LPIN3: variants seen among roughly 807,000 people sequenced by gnomAD.
The protein encoded by LPIN3 is phosphatidate phosphatase LPIN3.
LPIN3 carries 82 observed loss-of-function variants against 94.7 expected under a neutral mutation model. The observed-to-expected ratio is 0.87, with a 90% CI of 0.72 to 1.04. The LOEUF (loss-of-function observed/expected upper bound fraction) is 1.04. LPIN3 is among the 50% of genes least tolerant of loss of function. LPIN3 has a pLI of 0.00. For synonymous variants in LPIN3, 418 were observed against 443.3 expected, an observed-to-expected ratio of 0.94 and a Z score of 0.72; for missense variants, 996 against 1,090.5, an observed-to-expected ratio of 0.91 and a Z score of 1.22.
rs541056006 is a variant in LPIN3 at position 41,348,788 on chromosome 20, AAG to A, written c.461_462del (p.Glu154GlyfsTer6). The A allele has an allele frequency of 6.7e-5, 108 of 1,612,610 alleles. No homozygotes were observed. In the African/African-American group the frequency reaches 1.3e-3, roughly 19 times the overall value. ...CGTCGCAGGAGGAAACCCAAGCAGA[AAG>A]AGGATGCAGTGGCAACTGATTCTAG... On this transcript the variant is annotated frameshift_variant, in exon 4 of 20. Transcript: ENST00000373257. LOFTEE classifies it high-confidence loss of function.
intron 3 of LPIN3, 87 bp from the exon 4 acceptor site, chr20:41,348,532 G>A: frequency 1.3e-5 from 20 of 1,515,074 alleles, no homozygotes; most frequent in Non-Finnish European, 1.7e-5. Flanking sequence ...CCAGGGCTGG[G>A]ACCCAGGCAA....
At chr20:41,352,480 G>T in intron 9 of LPIN3, 126 bp from the exon 10 acceptor site, 1 of 874,390 alleles carries the variant, frequency 1.1e-6, no homozygotes. Context: ...AGGTAGGGAG[G>T]AGCACTGCCA....
chr20:41,341,709 G>A (rs1276146605), intron 1 of LPIN3, among the ~76,000 whole-genome samples: 1 of 152,230 alleles, frequency 6.6e-6, no homozygotes, highest in African/African-American at 2.4e-5. Flanking sequence ...TCCGCTGGGC[G>A]CGGTGGCTCA....
At position 41,350,412 on chromosome 20, in the gene LPIN3, G is replaced by T. The variant is rs1468460137; in HGVS notation, c.1102+15G>T. 2 of 1,538,288 alleles carry T rather than the reference G, an allele frequency of 1.3e-6. No homozygotes were observed. The highest frequency in any genetic ancestry group is 1.8e-6 in the Non-Finnish European group (2 of 1,138,966). ...CAGGGGGAAAGGTGAGTGACGCTGGGTCTCTCCCACTGCCTCCCTGGCCTC... is the reference window on the plus strand; with the variant it reads ...CAGGGGGAAAGGTGAGTGACGCTGGTTCTCTCCCACTGCCTCCCTGGCCTC... On this transcript the variant is annotated intron_variant, in intron 7 of 19. Transcript: ENST00000373257.
chr20:41,354,730 C>A lies in LPIN3; in HGVS notation c.1613C>A (p.Ala538Asp). 6.2e-7 allele frequency: 1 copy of A among 1,607,294 alleles called. No homozygotes were observed. The highest frequency in any genetic ancestry group is 8.5e-7 in the Non-Finnish European group (1 of 1,176,040). ...WFSWRRRDFL[A>D]EERSAQKEKT... ...TCCTGGCGACGCAGGGACTTCCTGG[C>A]CGAGGAGGTGGGTGGTCACAGTCGA... Residue 538 changes from alanine (A) to aspartate (D), a missense_variant, in exon 12 of 20, where the codon GCC (alanine) becomes GAC (aspartate). Transcript: ENST00000373257.
intron 7 of LPIN3, among the ~76,000 whole-genome samples, chr20:41,350,981 C>T (rs192181808): frequency 6.6e-6 from 1 of 151,976 alleles, no homozygotes; most frequent in East Asian, 1.9e-4. Flanking sequence ...CATGGTGGCT[C>T]ATGCCTGTAA....
chr20:41,349,851 G>C lies in LPIN3; in HGVS notation c.716G>C (p.Arg239Thr). Residue 239 changes from arginine (R) to threonine (T), a missense_variant, in exon 6 of 20, where the codon AGA (arginine) becomes ACA (threonine). Transcript: ENST00000373257. The stretch of plus-strand genomic sequence containing the variant: ...CGGACCCCGGAGCCCAGTCCCCTAA[G>C]AGCCGAGTCCCACATGCAGTGGGCC... ...EVRTPEPSPL[R>T]AESHMQWAWG... The C allele has an allele frequency of 6.2e-7, 1 of 1,613,598 alleles. No individual in the cohort carries two copies. The highest frequency in any genetic ancestry group is 8.5e-7 in the Non-Finnish European group (1 of 1,180,014).
chr20:41,348,478 C>A, intron 3 of LPIN3, 141 bp from the exon 4 acceptor site: 5 of 1,320,450 alleles, frequency 3.8e-6, no homozygotes, highest in Non-Finnish European at 5.0e-6. Context: ...CAGGGCCAGG[C>A]TGGTGCCTCC....
chr20:41,346,410 G>A (rs966323357), intron 2 of LPIN3, among the ~76,000 whole-genome samples: 1 of 152,226 alleles, frequency 6.6e-6, no homozygotes, highest in Non-Finnish European at 1.5e-5. Flanking sequence ...GGCCAGCTAT[G>A]TGGGAAACAC....
intron 3 of LPIN3, 139 bp downstream of exon 3, chr20:41,347,786 G>A: frequency 1.4e-6 from 1 of 707,594 alleles, no homozygotes. Flanking sequence ...AGGGGTATCA[G>A]TTGGGGCTGG....
Position 41,358,351 on chromosome 20 carries a change from T to A in LPIN3, c.2307T>A (p.Asn769Lys). The A allele has an allele frequency of 6.2e-7, 1 of 1,614,016 alleles. No individual in the cohort carries two copies. The highest frequency in any genetic ancestry group is 8.5e-7 in the Non-Finnish European group (1 of 1,179,900). ...PFYAAFGNRP[N>K]DVFAYRQVGL... is the part of the protein sequence containing the mutation. The stretch of plus-strand genomic sequence containing the variant: ...ATGCTGCCTTTGGGAATAGGCCCAA[T>A]GTGAGTGTGTCCCCTCCACTCTGCT... The change falls in exon 18 of 20, where the codon AAT becomes AAA. Residue 769 changes from asparagine (N) to lysine (K), a missense_variant and splice_region_variant. Transcript: ENST00000373257.
At position 41,352,882 on chromosome 20, in the gene LPIN3, A is replaced by G. The variant is rs768576353; in HGVS notation, c.1527+15A>G. 10 of 1,613,622 alleles carry G rather than the reference A, an allele frequency of 6.2e-6. No homozygotes were observed. Among genetic ancestry groups the G allele is most frequent in the Non-Finnish European group, 8.5e-6 (10 of 1,179,662 alleles). On this transcript the variant is annotated intron_variant, in intron 11 of 19. Transcript: ENST00000373257. ...ACTTGCCCAAGGTAATGGTTAGAGC[A>G]CCACTGCCCCTGCTGGGGAAGGTAG... is the stretch of plus-strand genomic sequence containing the variant.
At chr20:41,353,003 C>G in intron 11 of LPIN3, 136 bp downstream of exon 11, 1 of 942,122 alleles carries the variant, frequency 1.1e-6, no homozygotes, top group South Asian at 1.4e-5. Context: ...AAGACTCACT[C>G]TGGGAGAGGC....
At position 41,358,746 on chromosome 20, in the gene LPIN3, C is replaced by T. The variant is rs374973167; in HGVS notation, c.2436C>T (p.Val812=). 69 of 1,613,844 alleles carry T rather than the reference C, an allele frequency of 4.3e-5. No homozygotes were observed. The highest frequency in any genetic ancestry group is 1.6e-4 in the Middle Eastern group (1 of 6,082). Reference sequence around the variant, plus strand: ...GGTATGAGCGGCTTGGTGAAGTGGTCGAGCTCCTCTTCCCACCTGTGGCCC... The same window carrying T: ...GGTATGAGCGGCTTGGTGAAGTGGTTGAGCTCCTCTTCCCACCTGTGGCCC... The part of the protein sequence containing the change: ...KSTYERLGEV[V]ELLFPPVARG... Residue 812 remains valine (V), a synonymous_variant, in exon 20 of 20, where the codon GTC becomes GTT. Coordinates refer to ENST00000373257, the MANE Select transcript of LPIN3 (RefSeq NM_022896.3).
At position 41,351,874 on chromosome 20, in the gene LPIN3, T is replaced by G; in HGVS notation, c.1156T>G (p.Leu386Val). 6.2e-7 allele frequency: 1 copy of G among 1,614,220 alleles called. No individual in the cohort carries two copies. Among genetic ancestry groups the G allele is most frequent in the South Asian group, 1.1e-5 (1 of 91,082 alleles). Residue 386 changes from leucine to valine, a missense_variant, in exon 8 of 20, where the codon TTG (leucine) becomes GTG (valine). Physicochemically the swap from Leu to Val is conservative, Grantham distance 32. Transcript: ENST00000373257. ...LGPSDIYLDD[L>V]PSLDSENAAL... is the part of the protein sequence containing the mutation. ...CCCCAGTGACATCTACCTGGATGAC[T>G]TGCCCTCCCTGGACTCTGAGAATGC...
chr20:41,341,413 T>G (rs2146890086), intron 1 of LPIN3, among the ~76,000 whole-genome samples: 1 of 152,172 alleles, frequency 6.6e-6, no homozygotes, highest in African/African-American at 2.4e-5. Context: ...GGGTGGCGCT[T>G]TCTCTCTACT....
chr20:41,356,990 A>G (rs767618105), intron 14 of LPIN3, 50 bp from the exon 15 acceptor site: 2 of 1,591,304 alleles, frequency 1.3e-6, no homozygotes, highest in African/African-American at 1.3e-5. Flanking sequence ...AGAGGTAGGC[A>G]GTGCCTGGCT....
intron 9 of LPIN3, 78 bp from the exon 10 acceptor site, chr20:41,352,528 T>A (rs891822187): frequency 7.9e-7 from 1 of 1,266,568 alleles, no homozygotes. Context: ...AGCAGCAGAG[T>A]GGGGAGCACC....
rs766177520 is a variant in LPIN3 at position 41,352,045 on chromosome 20, C to A, written c.1203-15C>A. ...CTCCTCGTATTCTTGTCATTGTTGG[C>A]CCCTTTGCCTGCAGTGACTCTGGGC... On this transcript the variant is annotated splice_polypyrimidine_tract_variant and intron_variant, in intron 8 of 19. Coordinates refer to ENST00000373257, the MANE Select transcript of LPIN3 (RefSeq NM_022896.3). 31 of 1,613,940 alleles carry A rather than the reference C, an allele frequency of 1.9e-5. No homozygotes were observed. In the East Asian group the frequency reaches 6.7e-4, roughly 35 times the overall value.
Sources: allele counts gnomAD v4.1 joint callset (sites outside exome capture counted in the v4.1 genomes callset), GRCh38; gene constraint gnomAD v4.1.1; transcripts MANE v1.5; gene names NCBI Gene and HGNC (gene_info 2026-07-23, HGNC 2026-07-21).